FBXO34: variants seen among roughly 807,000 people sequenced by gnomAD.
The protein encoded by FBXO34 is F-box protein 34.
FBXO34 carries 12 observed loss-of-function variants against 24.5 expected under a neutral mutation model. The ratio of observed to expected loss-of-function variants is 0.49; its 90% CI spans 0.31 to 0.79. The LOEUF (loss-of-function observed/expected upper bound fraction) is 0.79, where lower values mean the gene tolerates loss of function less well. Ranked by LOEUF, FBXO34 falls within the 30% of genes least tolerant of loss-of-function variation. The probability of loss-of-function intolerance (pLI) is 0.04; values close to 1 mark genes in which losing one functional copy is unlikely to be tolerated. For missense variants in FBXO34, 823 were observed against 857.7 expected (o/e 0.96, Z 0.51); for synonymous variants, 320 against 311.9 (o/e 1.03, Z -0.27).
intron 1 of FBXO34, among the ~76,000 whole-genome samples, chr14:55,304,409 G>A (rs185063461): frequency 6.6e-6 from 1 of 152,050 alleles, no homozygotes; most frequent in African/African-American, 2.4e-5. Flanking sequence ...GCCCGGGCTG[G>A]TATAAAACTC....
At chr14:55,314,650 C>T (rs1882866220) in intron 1 of FBXO34, among the ~76,000 whole-genome samples, 1 of 151,942 alleles carries the variant, frequency 6.6e-6, no homozygotes, top group Non-Finnish European at 1.5e-5. Context: ...TTTGATTATA[C>T]AGCAATAAAT....
At chr14:55,343,025 A>G (rs1355000021) in intron 1 of FBXO34, among the ~76,000 whole-genome samples, 2 of 152,164 alleles carry the variant, frequency 1.3e-5, no homozygotes, top group Non-Finnish European at 2.9e-5. Context: ...TTGTAAAAAC[A>G]AGGATTTCAT....
chr14:55,289,400 G>A (rs901936235), intron 1 of FBXO34, among the ~76,000 whole-genome samples: 1 of 152,042 alleles, frequency 6.6e-6, no homozygotes, highest in Non-Finnish European at 1.5e-5. Flanking sequence ...AACACAAAAG[G>A]TGCAAAAAAT....
chr14:55,294,304 A>ATT (rs60613884), intron 1 of FBXO34, among the ~76,000 whole-genome samples: 4 of 151,426 alleles, frequency 2.6e-5, no homozygotes, highest in Non-Finnish European at 5.9e-5. Context: ...AATTATTATT[A>ATT]TTTTTTTTGA....
At position 55,351,459 on chromosome 14, in the gene FBXO34, C is replaced by T. The variant is rs755176571; in HGVS notation, c.1069C>T (p.Arg357Cys). The T allele has an allele frequency of 4.3e-6, 7 of 1,614,008 alleles. No homozygotes were observed. The highest frequency in any genetic ancestry group is 1.3e-5 in the African/African-American group (1 of 74,904). Residue 357 changes from arginine to cysteine, a missense_variant, in exon 2 of 2, where the codon CGT becomes TGT. Around this residue, in one of 2 missense-constraint regions of FBXO34, gnomAD observed 693 missense variants for 659.1 expected, o/e 1.05. Coordinates refer to ENST00000313833, the MANE Select transcript of FBXO34 (RefSeq NM_017943.4). ...GGATTGTGGCCCTTCAAGAGCTGATCGTTGTTCTCCTAAGGAGGACCAGGC... is the reference window on the plus strand; with the variant it reads ...GGATTGTGGCCCTTCAAGAGCTGATTGTTGTTCTCCTAAGGAGGACCAGGC... ...SVDCGPSRAD[R>C]CSPKEDQAWD... is the part of the protein sequence containing the mutation.
chr14:55,380,875 A>ATATATATATTTTTTTTTT, the FBXO34 span, among the ~76,000 whole-genome samples: 14 of 112,722 alleles, frequency 1.2e-4, no homozygotes, highest in Non-Finnish European at 2.3e-4. Flanking sequence ...ATATATATAT[A>ATATATATATTTTTTTTTT]TTTTTTTTTT....
intron 1 of FBXO34, among the ~76,000 whole-genome samples, chr14:55,281,991 C>CTTTTTTTTTTTTTTTT (rs372305828): frequency 1.5e-5 from 1 of 65,160 alleles, no homozygotes; most frequent in African/African-American, 7.6e-5. Context: ...TTAAATTTAG[C>CTTTTTTTTTTTTTTTT]TTTTTTTTTT....
At chr14:55,309,356 A>C (rs2139738316) in intron 1 of FBXO34, among the ~76,000 whole-genome samples, 1 of 152,342 alleles carries the variant, frequency 6.6e-6, no homozygotes, top group Non-Finnish European at 1.5e-5. Flanking sequence ...TCAGGTTTCC[A>C]GAACGATGGG....
the FBXO34 span, among the ~76,000 whole-genome samples, chr14:55,424,445 A>C: frequency 2.0e-5 from 3 of 152,218 alleles, no homozygotes; most frequent in Non-Finnish European, 2.9e-5. Flanking sequence ...AGTTAGGAAC[A>C]TAATTAATTT....
At chr14:55,302,560 G>A (rs902599853) in intron 1 of FBXO34, among the ~76,000 whole-genome samples, 20 of 149,278 alleles carry the variant, frequency 1.3e-4, no homozygotes, top group African/African-American at 4.9e-4. Flanking sequence ...CAAAGTGCTA[G>A]GATTACTGGT....
intron 1 of FBXO34, among the ~76,000 whole-genome samples, chr14:55,298,436 C>CT (rs1053840389): frequency 6.6e-6 from 1 of 152,024 alleles, no homozygotes; most frequent in Non-Finnish European, 1.5e-5. Context: ...TATTTTACTG[C>CT]TACTGTTATT....
downstream of FBXO34, among the ~76,000 whole-genome samples, chr14:55,356,627 T>A (rs549553463): frequency 1.6e-4 from 24 of 148,264 alleles, 1 homozygote; most frequent in African/African-American, 5.7e-4. Flanking sequence ...GATTTTTTTA[T>A]TTTTTTATTT....
At chr14:55,370,182 C>T (rs372185466), downstream of FBXO34, among the ~76,000 whole-genome samples, 2 of 152,276 alleles carry the variant, frequency 1.3e-5, no homozygotes, top group East Asian at 3.9e-4. Flanking sequence ...GATGACCGTG[C>T]ATAGGAAAAA....
the FBXO34 span, among the ~76,000 whole-genome samples, chr14:55,427,725 G>A: frequency 5.9e-5 from 9 of 152,032 alleles, no homozygotes; most frequent in Admixed American, 1.3e-4. Flanking sequence ...GGGCGGGGGA[G>A]GAGCACTAGC....
the FBXO34 span, among the ~76,000 whole-genome samples, chr14:55,425,140 G>A: frequency 6.6e-6 from 1 of 152,180 alleles, no homozygotes; most frequent in Non-Finnish European, 1.5e-5. Context: ...ACCTTTTACT[G>A]GCTCCAGAAA....
At chr14:55,347,014 G>A (rs1400818420) in intron 1 of FBXO34, among the ~76,000 whole-genome samples, 1 of 152,186 alleles carries the variant, frequency 6.6e-6, no homozygotes, top group Admixed American at 6.5e-5. Context: ...ATTAAAAACA[G>A]ATTCTGGGCC....
At chr14:55,415,514 A>G in the FBXO34 span, among the ~76,000 whole-genome samples, 2 of 152,216 alleles carry the variant, frequency 1.3e-5, no homozygotes, top group African/African-American at 4.8e-5. Flanking sequence ...TTGCAGCACT[A>G]TTCACACTTG....
the FBXO34 span, among the ~76,000 whole-genome samples, chr14:55,422,530 T>C: frequency 6.6e-6 from 1 of 152,256 alleles, no homozygotes; most frequent in East Asian, 1.9e-4. Flanking sequence ...ATTACAGGCG[T>C]GAGCCACCGC....
At chr14:55,378,223 C>A in the FBXO34 span, 2 of 639,682 alleles carry the variant, frequency 3.1e-6, no homozygotes, top group South Asian at 2.0e-5. Flanking sequence ...TAAGAATACA[C>A]CATTCCCCTC....
Sources: allele counts gnomAD v4.1 joint callset (sites outside exome capture counted in the v4.1 genomes callset), GRCh38; gene constraint gnomAD v4.1.1; regional missense constraint gnomAD v4.1.1; transcripts MANE v1.5; gene names NCBI Gene and HGNC (gene_info 2026-07-23, HGNC 2026-07-21).